The following FSTL5 variants were observed in gnomAD, a reference collection of about 807,000 sequenced individuals.
FSTL5 encodes follistatin-related protein 5.
Under a neutral mutation model 89.1 loss-of-function variants are expected in FSTL5, and 62 were observed. The ratio of observed to expected loss-of-function variants is 0.70; its 90% CI spans 0.57 to 0.86. FSTL5 has a LOEUF of 0.86. FSTL5 is among the 40% of genes least tolerant of loss of function. The pLI, the probability that FSTL5 is intolerant of heterozygous loss-of-function variation, is 0.00. For missense variants in FSTL5, 1,057 were observed against 1,001.6 expected (o/e 1.06, Z -0.75); for synonymous variants, 383 against 346.2 (o/e 1.11, Z -1.18).
At chr4:161,399,868 T>C (rs1731127526) in intron 15 of FSTL5, among the ~76,000 whole-genome samples, 1 of 152,118 alleles carries the variant, frequency 6.6e-6, no homozygotes. Flanking sequence ...TTTTATGCAG[T>C]TATAATTTAA....
At chr4:162,044,366 C>G (rs943365460) in intron 2 of FSTL5, among the ~76,000 whole-genome samples, 4 of 152,174 alleles carry the variant, frequency 2.6e-5, no homozygotes, top group East Asian at 1.9e-4. Flanking sequence ...TTTTTCTGAG[C>G]AATCGTTCAA....
intron 7 of FSTL5, among the ~76,000 whole-genome samples, chr4:161,646,834 G>A (rs1736170740): frequency 1.3e-5 from 2 of 152,038 alleles, no homozygotes; most frequent in Non-Finnish European, 2.9e-5. Flanking sequence ...GGTTACTATT[G>A]TTTTTATTAT....
intron 7 of FSTL5, among the ~76,000 whole-genome samples, chr4:161,626,467 A>T (rs187347667): frequency 1.3e-5 from 2 of 152,298 alleles, no homozygotes; most frequent in East Asian, 3.9e-4. Context: ...CTATTGAGAC[A>T]TACTGCTCAT....
Position 161,628,368 on chromosome 4 carries a change from G to A in FSTL5, c.894+27960C>T, listed in dbSNP as rs544091418. Among the ~76,000 whole-genome samples, 8 of 152,024 alleles carry A rather than the reference G, an allele frequency of 5.3e-5. No individual in the cohort carries two copies. The South Asian group carries it at 1.7e-3, about 32-fold the overall frequency. ...AAAATTGAAATTAAAGTATCAGTGG[G>A]GTCCTGATTAGTCTAAAGGTCTTAG... On this transcript the variant is annotated intron_variant, in intron 7 of 15. Transcript: ENST00000306100.
intron 2 of FSTL5, among the ~76,000 whole-genome samples, chr4:162,084,184 A>C (rs1232108745): frequency 6.6e-6 from 1 of 152,006 alleles, no homozygotes; most frequent in Non-Finnish European, 1.5e-5. Flanking sequence ...ATAGAACCAG[A>C]GTTTTGTAGA....
At chr4:161,587,390 G>A in intron 8 of FSTL5, 65 bp downstream of exon 8, 1 of 1,511,564 alleles carries the variant, frequency 6.6e-7, no homozygotes, top group Non-Finnish European at 9.2e-7. Flanking sequence ...AAAAATTGAA[G>A]GCTTCACTTC....
intron 3 of FSTL5, among the ~76,000 whole-genome samples, chr4:161,971,065 A>T (rs1163433804): frequency 1.3e-5 from 2 of 152,088 alleles, no homozygotes; most frequent in African/African-American, 2.4e-5. Flanking sequence ...ATGATTTCCT[A>T]CTTAATGTAG....
intron 5 of FSTL5, among the ~76,000 whole-genome samples, chr4:161,771,812 A>G (rs1865397): frequency 0.96 from 145,585 of 152,224 alleles, 69,668 homozygotes; most frequent in South Asian, 0.99. Context: ...TGTGATCCTC[A>G]CACTTTGGGA....
At chr4:161,589,714 T>C (rs1480602622) in intron 7 of FSTL5, among the ~76,000 whole-genome samples, 1 of 151,972 alleles carries the variant, frequency 6.6e-6, no homozygotes, top group Non-Finnish European at 1.5e-5. Context: ...ACAGTTTGAC[T>C]AAAAAACCTT....
intron 6 of FSTL5, among the ~76,000 whole-genome samples, chr4:161,733,381 T>C (rs1039065924): frequency 6.6e-6 from 1 of 152,034 alleles, no homozygotes; most frequent in African/African-American, 2.4e-5. Flanking sequence ...CCTAGTAGCT[T>C]TTTATTTTTC....
chr4:161,882,911 T>A (rs1224904677), intron 4 of FSTL5, among the ~76,000 whole-genome samples: 1 of 152,152 alleles, frequency 6.6e-6, no homozygotes, highest in Non-Finnish European at 1.5e-5. Context: ...TTCATTGCAA[T>A]ATATGAATAG....
Position 162,118,659 on chromosome 4 carries a change from A to T in FSTL5, c.-16-7247T>A, listed in dbSNP as rs568303017. The stretch of plus-strand genomic sequence containing the variant: ...TTGGCTGCCGCCCCGTCATTGTACC[A>T]GCTGCAAATACTTTTTCTAACTAGC... On this transcript the variant is annotated intron_variant, in intron 1 of 15. Coordinates refer to ENST00000306100, the MANE Select transcript of FSTL5 (RefSeq NM_020116.5). 1.3e-3 allele frequency among the ~76,000 whole-genome samples: 195 copies of T among 152,324 alleles called. 1 individual carries two copies. Among genetic ancestry groups the T allele is most frequent in the African/African-American group, 4.3e-3 (177 of 41,580 alleles).
chr4:162,010,836 C>T (rs1736745825), intron 3 of FSTL5, among the ~76,000 whole-genome samples: 2 of 152,146 alleles, frequency 1.3e-5, no homozygotes, highest in South Asian at 4.1e-4. Context: ...CTTAACTATT[C>T]ACCAGTTGAC....
intron 7 of FSTL5, among the ~76,000 whole-genome samples, chr4:161,655,092 T>C (rs767664172): frequency 3.3e-5 from 5 of 152,162 alleles, no homozygotes; most frequent in Non-Finnish European, 7.4e-5. Context: ...TTCGAATACA[T>C]TATGACATGT....
rs1398079006 is a variant in FSTL5 at position 161,385,239 on chromosome 4, A to G, written c.*508T>C. 1.9e-5 allele frequency: 3 copies of G among 154,048 alleles called. No homozygotes were observed. Among genetic ancestry groups the G allele is most frequent in the African/African-American group, 7.2e-5 (3 of 41,450 alleles). The allele number at this position is 154,048 out of a possible 1,614,324, so 9.5% of individuals were successfully genotyped here. On this transcript the variant is annotated 3_prime_UTR_variant, in exon 16 of 16. Transcript: ENST00000306100. ...ATAGTTATGAGAGCATTTAGTATGC[A>G]GGCTTTAGTCTTCCTTTTCCTCCTG...
At chr4:161,893,107 A>G (rs1027915514) in intron 4 of FSTL5, among the ~76,000 whole-genome samples, 2 of 152,144 alleles carry the variant, frequency 1.3e-5, no homozygotes, top group African/African-American at 4.8e-5. Flanking sequence ...AAGCAAATAT[A>G]CTTAAAGATA....
intron 15 of FSTL5, among the ~76,000 whole-genome samples, chr4:161,422,620 A>G (rs1304494719): frequency 6.6e-6 from 1 of 152,164 alleles, no homozygotes; most frequent in Non-Finnish European, 1.5e-5. Context: ...TTAGGGCTGT[A>G]TGTATCGCTA....
At chr4:161,530,750 A>T (rs1399554907) in intron 10 of FSTL5, among the ~76,000 whole-genome samples, 1 of 152,136 alleles carries the variant, frequency 6.6e-6, no homozygotes, top group Non-Finnish European at 1.5e-5. Context: ...AATCATAGCA[A>T]GATGTGAATC....
chr4:162,029,166 A>AGT (rs10604800), intron 3 of FSTL5, among the ~76,000 whole-genome samples: 81 of 120,590 alleles, frequency 6.7e-4, no homozygotes, highest in Non-Finnish European at 1.4e-3. Flanking sequence ...AGAGAGAGAG[A>AGT]GTGTGTGTGT....
Sources: gnomAD v4.1 joint callset for allele counts (sites outside exome capture counted in the v4.1 genomes callset) on GRCh38, gnomAD v4.1.1 for gene constraint, MANE v1.5 for transcripts, NCBI Gene and HGNC (gene_info 2026-07-23, HGNC 2026-07-21) for gene names.